The following VAV2 variants were observed in gnomAD, a reference collection of about 807,000 sequenced individuals.
VAV2 encodes vav guanine nucleotide exchange factor 2, also known as guanine nucleotide exchange factor VAV2.
In VAV2, 67 loss-of-function variants were observed where a neutral mutation model predicts 132.5. The ratio of observed to expected loss-of-function variants is 0.51; its 90% CI spans 0.42 to 0.62. The LOEUF (loss-of-function observed/expected upper bound fraction) is 0.62. Ranked by LOEUF, VAV2 falls within the 20% of genes least tolerant of loss-of-function variation. VAV2 has a pLI of 0.00. For missense variants in VAV2, 938 were observed against 1,153.6 expected (o/e 0.81, Z 2.71); for synonymous variants, 492 against 443.5 (o/e 1.11, Z -1.37).
In VAV2 at chr9:133,861,425, G is replaced by A. The variant is rs1469565534; in HGVS notation, c.329C>T (p.Ser110Phe). 5.6e-6 allele frequency: 9 copies of A among 1,613,250 alleles called. No individual in the cohort carries two copies. The highest frequency in any genetic ancestry group is 5.3e-5 in the African/African-American group (4 of 74,916). ...FDVRDFGKVI[S>F]AVSRLSLHSI... is the part of the protein sequence containing the mutation. ...GTGCAGGGAGAGCCTCGACACCGCG[G>A]AGATGACCTGGGGGAGACAAGAAGA... Residue 110 changes from serine (S) to phenylalanine (F), a missense_variant, in exon 3 of 30, where the codon TCC (serine) becomes TTC (phenylalanine). By Grantham distance (155) the Ser-to-Phe change is radical (BLOSUM62 -2). Coordinates refer to ENST00000371850, the MANE Select transcript of VAV2 (RefSeq NM_001134398.2).
chr9:133,861,815 C>T (rs1383427589), intron 2 of VAV2, among the ~76,000 whole-genome samples: 3 of 152,212 alleles, frequency 2.0e-5, no homozygotes, highest in African/African-American at 7.2e-5. Flanking sequence ...TTACTAAGTA[C>T]AGCTCGTGTT....
At chr9:133,956,658 C>T (rs1022186644) in intron 1 of VAV2, among the ~76,000 whole-genome samples, 10 of 152,200 alleles carry the variant, frequency 6.6e-5, no homozygotes, top group African/African-American at 1.9e-4. Flanking sequence ...AAATTCCAGG[C>T]GAACCAGCAC....
Position 133,939,074 on chromosome 9 carries a change from G to A in VAV2, c.321+29C>T, listed in dbSNP as rs373108843. 158 of 1,604,550 alleles carry A rather than the reference G, an allele frequency of 9.8e-5. No homozygotes were observed. In the South Asian group the frequency reaches 1.0e-3, roughly 10 times the overall value. ...GGCAAATCGGCCACCACAGCTGAGC[G>A]ACCGAGGCTGGAGAGAGTGACTGCT... On this transcript the variant is annotated intron_variant, in intron 2 of 29. Transcript: ENST00000371850.
rs1350034891 is a variant in VAV2, at chr9:133,884,577, CTG to C, written c.322-23147_322-23146del. 6.6e-6 allele frequency among the ~76,000 whole-genome samples: 1 copy of C among 152,160 alleles called. No homozygotes were observed. The highest frequency in any genetic ancestry group is 2.4e-5 in the African/African-American group (1 of 41,438). ...CTCTCCACCCAGGCTGGTTCCCAGG[CTG>C]TTACTTTATGGAACATCAGCAAGCT... is the stretch of plus-strand genomic sequence containing the variant. On this transcript the variant is annotated intron_variant, in intron 2 of 29. Coordinates refer to ENST00000371850, the MANE Select transcript of VAV2 (RefSeq NM_001134398.2). This position sits in a 1 kb window ranked among gnomAD's most constrained non-coding sequence, Gnocchi z 5.3.
chr9:133,854,293 ACCCATGTGCACCTGCACACACACC>A (rs1837306711), intron 3 of VAV2, among the ~76,000 whole-genome samples: 1 of 149,770 alleles, frequency 6.7e-6, no homozygotes, highest in Admixed American at 6.6e-5. Flanking sequence ...ACACACACAC[ACCCATGTGCACCTGCACACACACC>A]CCCATGTGCA....
In VAV2 at chr9:133,806,193, A is replaced by AC. The variant is rs762998742; in HGVS notation, c.736-13dup. 1 of 1,601,708 alleles carries AC rather than the reference A, an allele frequency of 6.2e-7. No individual in the cohort carries two copies. On this transcript the variant is annotated splice_polypyrimidine_tract_variant and intron_variant, in intron 8 of 29. Transcript: ENST00000371850. ...ACCTTGATCAGGTCCTGGGTTGAAA[A>AC]CCAGCCGTGAGTGCCTGGCCAGGCC...
At chr9:133,985,687 G>C (rs915945633) in intron 1 of VAV2, among the ~76,000 whole-genome samples, 3 of 152,182 alleles carry the variant, frequency 2.0e-5, no homozygotes, top group African/African-American at 7.2e-5. Context: ...GGTAAGCCTG[G>C]AACATCTTGT....
chr9:133,932,228 C>G (rs1840713089), intron 2 of VAV2, among the ~76,000 whole-genome samples: 1 of 152,254 alleles, frequency 6.6e-6, no homozygotes, highest in African/African-American at 2.4e-5. Context: ...AGCTGGGCAA[C>G]TGGACAAACC....
At position 133,812,166 on chromosome 9, in the gene VAV2, C is replaced by A; in HGVS notation, c.500G>T (p.Gly167Val). The change falls in exon 5 of 30, where the codon GGA becomes GTA. Residue 167 changes from glycine (G) to valine (V), a missense_variant. By Grantham distance (109) the Gly-to-Val change is moderately radical. Coordinates refer to ENST00000371850, the MANE Select transcript of VAV2 (RefSeq NM_001134398.2). ...DIYDCVPCED[G>V]GDDIYEDIIK... Reference sequence around the variant, plus strand: ...GATGTCCTCGTAGATGTCGTCCCCTCCATCCTCACACGGGACGCAGTCGTA... The same window carrying A: ...GATGTCCTCGTAGATGTCGTCCCCTACATCCTCACACGGGACGCAGTCGTA... The A allele has an allele frequency of 1.9e-6, 3 of 1,614,012 alleles. No homozygotes were observed. Among genetic ancestry groups the A allele is most frequent in the Non-Finnish European group, 2.5e-6 (3 of 1,180,004 alleles).
At chr9:133,778,540 C>A (rs1320176066) in intron 22 of VAV2, among the ~76,000 whole-genome samples, 1 of 152,232 alleles carries the variant, frequency 6.6e-6, no homozygotes, top group East Asian at 1.9e-4. Context: ...AAGCAAACAC[C>A]CGGGGAGCCC....
chr9:133,943,431 C>T (rs1841244078), intron 1 of VAV2, among the ~76,000 whole-genome samples: 1 of 152,260 alleles, frequency 6.6e-6, no homozygotes, highest in Non-Finnish European at 1.5e-5. Context: ...TGAAGGCTGG[C>T]TTCAGCTGTC....
At position 133,838,417 on chromosome 9, in the gene VAV2, G is replaced by A. The variant is rs1379731778; in HGVS notation, c.381-4077C>T. Among the ~76,000 whole-genome samples, 3 of 141,146 alleles carry A rather than the reference G, an allele frequency of 2.1e-5. No individual in the cohort carries two copies. The South Asian group carries it at 7.4e-4, about 35-fold the overall frequency. 92.6% of individuals were successfully genotyped at this position (141,146 alleles called of 152,430 possible). On this transcript the variant is annotated intron_variant, in intron 3 of 29. Coordinates refer to ENST00000371850, the MANE Select transcript of VAV2 (RefSeq NM_001134398.2). ...TGGTTGGCTGGCTGGCTGAGTGGGTGCATGGATGTGTGGATGGATGAATGG... is the reference window on the plus strand; with the variant it reads ...TGGTTGGCTGGCTGGCTGAGTGGGTACATGGATGTGTGGATGGATGAATGG...
chr9:133,809,644 G>A (rs541146055), intron 6 of VAV2, among the ~76,000 whole-genome samples: 8 of 152,354 alleles, frequency 5.3e-5, no homozygotes, highest in African/African-American at 1.9e-4. Flanking sequence ...AGTGTCCACT[G>A]GTTTCTAGCC....
At chr9:133,966,371 C>T (rs1842140304) in intron 1 of VAV2, among the ~76,000 whole-genome samples, 3 of 152,220 alleles carry the variant, frequency 2.0e-5, no homozygotes, top group Admixed American at 1.3e-4. Flanking sequence ...AACAAATCTG[C>T]AAACTATTCA....
intron 1 of VAV2, among the ~76,000 whole-genome samples, chr9:133,978,366 A>C (rs985320830): frequency 1.3e-5 from 2 of 151,878 alleles, no homozygotes; most frequent in East Asian, 1.9e-4. Flanking sequence ...ACAGGCAGGC[A>C]CCCCCTCCCC....
intron 2 of VAV2, among the ~76,000 whole-genome samples, chr9:133,871,352 CA>C (rs1286309748): frequency 7.2e-6 from 1 of 138,480 alleles, no homozygotes; most frequent in African/African-American, 2.8e-5. Flanking sequence ...GGCGGATGGA[CA>C]GATGGTAAAT....
rs1316554255 is a variant in VAV2 at position 133,885,267 on chromosome 9, C to G, written c.322-23835G>C. Among the ~76,000 whole-genome samples, 1 of 152,258 alleles carries G rather than the reference C, an allele frequency of 6.6e-6. No homozygotes were observed. Among genetic ancestry groups the G allele is most frequent in the Admixed American group, 6.5e-5 (1 of 15,290 alleles). On this transcript the variant is annotated intron_variant, in intron 2 of 29. Transcript: ENST00000371850. This position sits in a 1 kb window ranked among gnomAD's most constrained non-coding sequence, Gnocchi z 5.0. ...TGTATGCAGCCCCCGCGGCTGTCTA[C>G]TTGGTCCATGTCCAGCCGCAGTGGA...
At chr9:133,990,013 G>T (rs1459812806) in intron 1 of VAV2, among the ~76,000 whole-genome samples, 1 of 152,260 alleles carries the variant, frequency 6.6e-6, no homozygotes, top group African/African-American at 2.4e-5. Context: ...TGCCTTCTGT[G>T]CCTGCCCTTA....
chr9:133,842,361 G>T (rs1223646895), intron 3 of VAV2, among the ~76,000 whole-genome samples: 1 of 152,240 alleles, frequency 6.6e-6, no homozygotes. Context: ...TCCTCGCCCA[G>T]CCGGAGCACT....
Sources: gnomAD v4.1 joint callset for allele counts (sites outside exome capture counted in the v4.1 genomes callset) on GRCh38, gnomAD v4.1.1 for gene constraint, Gnocchi (gnomAD v3.1) non-coding constraint, MANE v1.5 for transcripts, NCBI Gene and HGNC (gene_info 2026-07-23, HGNC 2026-07-21) for gene names.